SLC16A14: variants seen among roughly 807,000 people sequenced by gnomAD.
SLC16A14 encodes monocarboxylate transporter 14.
A neutral mutation model predicts 35.8 loss-of-function variants in SLC16A14; 14 were observed. The ratio of observed to expected loss-of-function variants is 0.39; its 90% CI spans 0.26 to 0.61. SLC16A14 has a LOEUF of 0.61. Among genes scored for constraint, SLC16A14 ranks in the 20% least tolerant of loss-of-function variants. The pLI, the probability that SLC16A14 is intolerant of heterozygous loss-of-function variation, is 0.51. For missense variants in SLC16A14, 533 were observed against 655.0 expected, an observed-to-expected ratio of 0.81 and a Z score of 2.03; for synonymous variants, 248 against 258.9, an observed-to-expected ratio of 0.96 and a Z score of 0.40.
intron 2 of SLC16A14, among the ~76,000 whole-genome samples, chr2:230,057,282 A>G (rs1232214189): frequency 6.6e-6 from 1 of 152,178 alleles, no homozygotes; most frequent in African/African-American, 2.4e-5. Flanking sequence ...GAGTTATTTC[A>G]TTTTCAAACT....
intron 1 of SLC16A14, among the ~76,000 whole-genome samples, chr2:230,060,815 T>C (rs943071038): frequency 2.6e-5 from 4 of 152,058 alleles, no homozygotes; most frequent in Non-Finnish European, 5.9e-5. Context: ...GATTGGTCTT[T>C]ATTAGGAAGA....
chr2:230,044,023 C>T (rs1227047780), intron 4 of SLC16A14, among the ~76,000 whole-genome samples: 1 of 152,174 alleles, frequency 6.6e-6, no homozygotes, highest in Admixed American at 6.5e-5. Flanking sequence ...ATGCTCCCAC[C>T]CCCCAAAACA....
rs145179402 is a variant in SLC16A14, at chr2:230,067,534, TTCTCTCTCTCTCTCTCTCTCTCTC to T, written c.-15+997_-15+1020del. Among the ~76,000 whole-genome samples, 15 of 128,448 alleles carry T rather than the reference TTCTCTCTCTCTCTCTCTCTCTCTC, an allele frequency of 1.2e-4. No homozygotes were observed. In the South Asian group the frequency reaches 2.4e-3, roughly 20 times the overall value. The allele number at this position is 128,448 out of a possible 152,430, so 84.3% of individuals were successfully genotyped here. On this transcript the variant is annotated intron_variant, in intron 1 of 4. Coordinates refer to ENST00000295190, the MANE Select transcript of SLC16A14 (RefSeq NM_152527.5). ...CCCAACACTGCCTCTCTCCCCTCTCTTCTCTCTCTCTCTCTCTCTCTCTCTCTCTCTCTCTCTCACACACACACA... is the reference window on the plus strand; with the variant it reads ...CCCAACACTGCCTCTCTCCCCTCTCTTCTCTCTCTCTCTCACACACACACA...
rs1317535123 is a variant in SLC16A14, at chr2:230,046,014, C to A, written c.1112G>T (p.Gly371Val). Residue 371 changes from glycine to valine, a missense_variant, in exon 4 of 5, where the codon GGC (glycine) becomes GTC (valine). Physicochemically the swap from Gly to Val is moderately radical, Grantham distance 109 (BLOSUM62 -3). Coordinates refer to ENST00000295190, the MANE Select transcript of SLC16A14 (RefSeq NM_152527.5). The surrounding 1 kb of genome is among the most constrained non-coding windows in gnomAD (Gnocchi z 5.0). The stretch of plus-strand genomic sequence containing the variant: ...AATGCAAGGCAAGTCGGCTATGACG[C>A]CCAGGATCACTTTTCCAAAGATGTG... ...IVHIFGKVIL[G>V]VIADLPCISV... The A allele has an allele frequency of 6.2e-7, 1 of 1,613,960 alleles. No individual in the cohort carries two copies. Among genetic ancestry groups the A allele is most frequent in the South Asian group, 1.1e-5 (1 of 91,088 alleles).
In SLC16A14 at chr2:230,038,160, G is replaced by A. The variant is rs1257025698; in HGVS notation, c.1382-629C>T. On this transcript the variant is annotated intron_variant, in intron 4 of 4. Transcript: ENST00000295190. The surrounding 1 kb of genome is among the most constrained non-coding windows in gnomAD (Gnocchi z 4.4). ...AGTTGCCAAAGATACTGCCATAGAT[G>A]CTGACTAAATTATGTTATTTTCAAA... Among the ~76,000 whole-genome samples the A allele has an allele frequency of 2.0e-5, 3 of 152,110 alleles. No individual in the cohort carries two copies. The highest frequency in any genetic ancestry group is 6.6e-5 in the Admixed American group (1 of 15,266).
At chr2:230,053,568 G>A (rs2077679626) in intron 2 of SLC16A14, among the ~76,000 whole-genome samples, 1 of 152,054 alleles carries the variant, frequency 6.6e-6, no homozygotes, top group Non-Finnish European at 1.5e-5. Context: ...GGATCACGAG[G>A]TCAGGAGTTC....
Position 230,037,326 on chromosome 2 carries a change from A to G in SLC16A14, c.*54T>C. 5.4e-6 allele frequency: 8 copies of G among 1,489,788 alleles called. No individual in the cohort carries two copies. Among genetic ancestry groups the G allele is most frequent in the Non-Finnish European group, 6.3e-6 (7 of 1,118,094 alleles). 92.3% of individuals were successfully genotyped at this position (1,489,788 alleles called of 1,614,324 possible). On this transcript the variant is annotated 3_prime_UTR_variant, in exon 5 of 5. Transcript: ENST00000295190. ...CTGTCATAGGTGCCTCACAGCAACC[A>G]TGCGAGGTAGGCATGAGTATTACAA...
Position 230,066,969 on chromosome 2 carries a change from G to A in SLC16A14, c.-15+1586C>T, listed in dbSNP as rs982196045. 3 of 203,422 alleles carry A rather than the reference G, an allele frequency of 1.5e-5. No homozygotes were observed. The Admixed American group carries it at 1.6e-4, about 11-fold the overall frequency. 12.6% of individuals were successfully genotyped at this position (203,422 alleles called of 1,614,324 possible). A position where few individuals can be genotyped will look rare whatever the true frequency, so the allele number is the denominator to read the frequency against. On this transcript the variant is annotated intron_variant, in intron 1 of 4. Transcript: ENST00000295190. ...TTTGGCTATTGTTATTACATTGCATGTGGTGAGCTCATTACACATAAGGAA... is the reference window on the plus strand; with the variant it reads ...TTTGGCTATTGTTATTACATTGCATATGGTGAGCTCATTACACATAAGGAA...
chr2:230,056,879 TAAAAA>T (rs60620443), intron 2 of SLC16A14, among the ~76,000 whole-genome samples: 3 of 95,490 alleles, frequency 3.1e-5, no homozygotes, highest in Admixed American at 1.3e-4. Flanking sequence ...CTACAAAAAG[TAAAAA>T]AAAAAAAAAA....
intron 4 of SLC16A14, among the ~76,000 whole-genome samples, chr2:230,041,292 C>T (rs1224818338): frequency 6.6e-6 from 1 of 152,080 alleles, no homozygotes; most frequent in Non-Finnish European, 1.5e-5. Flanking sequence ...ATATTATATA[C>T]TGAAACATCT....
intron 2 of SLC16A14, chr2:230,058,142 T>TTTATAATGGTACATAATGAA (rs2077721132): frequency 6.6e-6 from 1 of 152,122 alleles, no homozygotes; most frequent in African/African-American, 2.4e-5. Flanking sequence ...CAAGCAGAGA[T>TTTATAATGGTACATAATGAA]TTATAATGGT....
chr2:230,046,750 GAC>G lies in SLC16A14; in HGVS notation c.404-30_404-29del, dbSNP rs1182783105. On this transcript the variant is annotated intron_variant, in intron 3 of 4. Transcript: ENST00000295190. This position sits in a 1 kb window ranked among gnomAD's most constrained non-coding sequence, Gnocchi z 5.0. Reference sequence around the variant, plus strand: ...GTACAGGCCGACGGGGGGAAGAAAAGACACAGTGCAACATCAGTGGCCATATC... The same window carrying G: ...GTACAGGCCGACGGGGGGAAGAAAAGACAGTGCAACATCAGTGGCCATATC... 6.4e-7 allele frequency: 1 copy of G among 1,566,996 alleles called. No individual in the cohort carries two copies. Among genetic ancestry groups the G allele is most frequent in the Non-Finnish European group, 8.6e-7 (1 of 1,162,320 alleles).
In SLC16A14 at chr2:230,052,883, T is replaced by G. The variant is rs150453237; in HGVS notation, c.260-2979A>C. 2.7e-3 allele frequency among the ~76,000 whole-genome samples: 413 copies of G among 152,046 alleles called. 2 individuals carry two copies. The highest frequency in any genetic ancestry group is 9.2e-3 in the African/African-American group (382 of 41,498). On this transcript the variant is annotated intron_variant, in intron 2 of 4. Coordinates refer to ENST00000295190, the MANE Select transcript of SLC16A14 (RefSeq NM_152527.5). ...TGAAAAAAAAATAAAAACCCAAGCT[T>G]TTTGACTCTCAGTTTCCTCCCTCCT...
At chr2:230,064,578 A>T (rs2077777552) in intron 1 of SLC16A14, among the ~76,000 whole-genome samples, 1 of 152,236 alleles carries the variant, frequency 6.6e-6, no homozygotes, top group Admixed American at 6.5e-5. Context: ...CAAGGTGTGA[A>T]TAGCTCATAA....
At position 230,068,627 on chromosome 2, in the gene SLC16A14, A is replaced by T. The variant is rs1248100645; in HGVS notation, c.-87T>A. The T allele has an allele frequency of 6.6e-6, 1 of 152,388 alleles. No homozygotes were observed. Among genetic ancestry groups the T allele is most frequent in the Non-Finnish European group, 1.5e-5 (1 of 68,070 alleles). 9.4% of individuals were successfully genotyped at this position (152,388 alleles called of 1,614,324 possible). A position where few individuals can be genotyped will look rare whatever the true frequency, so the allele number is the denominator to read the frequency against. On this transcript the variant is annotated 5_prime_UTR_variant, in exon 1 of 5. Coordinates refer to ENST00000295190, the MANE Select transcript of SLC16A14 (RefSeq NM_152527.5). The surrounding 1 kb of genome is among the most constrained non-coding windows in gnomAD (Gnocchi z 5.1). Reference sequence around the variant, plus strand: ...TCCTCGAACTTGCTGCTCTGCTTGGAGCCCCCTGAGCTGCTGGGTGTAGAG... The same window carrying T: ...TCCTCGAACTTGCTGCTCTGCTTGGTGCCCCCTGAGCTGCTGGGTGTAGAG...
At chr2:230,047,031 C>G (rs746953432) in intron 3 of SLC16A14, among the ~76,000 whole-genome samples, 4 of 152,112 alleles carry the variant, frequency 2.6e-5, no homozygotes, top group Non-Finnish European at 5.9e-5. Flanking sequence ...CAGGCAGGAC[C>G]ATGTATTTTC....
chr2:230,056,879 T>TAAAAAAAAAAAA (rs60620443), intron 2 of SLC16A14, among the ~76,000 whole-genome samples: 3 of 95,540 alleles, frequency 3.1e-5, no homozygotes, highest in Non-Finnish European at 2.1e-5. Context: ...CTACAAAAAG[T>TAAAAAAAAAAAA]AAAAAAAAAA....
intron 2 of SLC16A14, among the ~76,000 whole-genome samples, chr2:230,053,846 G>A (rs2077681852): frequency 6.6e-6 from 1 of 152,120 alleles, no homozygotes; most frequent in Admixed American, 6.6e-5. Context: ...GACCCATCCT[G>A]GCAGCTGACA....
At chr2:230,040,053 C>T (rs1446951142) in intron 4 of SLC16A14, among the ~76,000 whole-genome samples, 2 of 152,086 alleles carry the variant, frequency 1.3e-5, no homozygotes, top group Non-Finnish European at 2.9e-5. Flanking sequence ...CTTGTCTGAA[C>T]ATGTCCTGTT....
Sources: allele counts gnomAD v4.1 joint callset (sites outside exome capture counted in the v4.1 genomes callset), GRCh38; gene constraint gnomAD v4.1.1; non-coding constraint Gnocchi (gnomAD v3.1); transcripts MANE v1.5; gene names NCBI Gene and HGNC (gene_info 2026-07-23, HGNC 2026-07-21).